Variants in HSD3B7 observed in about 807,000 individuals in gnomAD.
HSD3B7 encodes hydroxy-delta-5-steroid dehydrogenase, 3 beta- and steroid delta-isomerase 7.
In HSD3B7, 35 loss-of-function variants were observed where a neutral mutation model predicts 34.3. The ratio of observed to expected loss-of-function variants is 1.02; its 90% CI spans 0.78 to 1.35. HSD3B7 has a LOEUF of 1.35. Ranked by LOEUF, HSD3B7 falls within the 40% of genes most tolerant of loss-of-function variation. The pLI is 0.00. For synonymous variants in HSD3B7, 217 were observed against 220.1 expected, an observed-to-expected ratio of 0.99 and a Z score of 0.13; for missense variants, 426 against 504.7, an observed-to-expected ratio of 0.84 and a Z score of 1.49.
rs752601401 is a variant in HSD3B7, at chr16:30,987,853, C to T, written c.780C>T (p.Tyr260=). 32 of 1,613,538 alleles carry T rather than the reference C, an allele frequency of 2.0e-5. No individual in the cohort carries two copies. Among genetic ancestry groups the T allele is most frequent in the Admixed American group, 1.2e-4 (7 of 60,010 alleles). ...TGGGCGGCCAGGTATACTTCTGCTACGATGGATCACCCTACAGGAGCTACG... is the reference window on the plus strand; with the variant it reads ...TGGGCGGCCAGGTATACTTCTGCTATGATGGATCACCCTACAGGAGCTACG... The part of the protein sequence containing the change: ...TLMGGQVYFC[Y]DGSPYRSYED... Residue 260 remains tyrosine, a synonymous_variant, in exon 7 of 7, where the codon TAC becomes TAT. Coordinates refer to ENST00000297679, the MANE Select transcript of HSD3B7 (RefSeq NM_025193.4).
At position 30,987,030 on chromosome 16, in the gene HSD3B7, C is replaced by G. The variant is rs772892284; in HGVS notation, c.694+28C>G. ...GAGGACTGGGCTAGGCAGGGGGAGG[C>G]TGAGAATATGGCAGGAGGACTTGCT... On this transcript the variant is annotated intron_variant, in intron 6 of 6. Coordinates refer to ENST00000297679, the MANE Select transcript of HSD3B7 (RefSeq NM_025193.4). 4.4e-6 allele frequency: 7 copies of G among 1,596,710 alleles called. No individual in the cohort carries two copies. The East Asian group carries it at 1.6e-4, about 36-fold the overall frequency.
chr16:30,986,382 G>C (rs371170165), intron 3 of HSD3B7, 41 bp from the exon 4 acceptor site: 176 of 1,588,440 alleles, frequency 1.1e-4, no homozygotes, highest in Non-Finnish European at 2.1e-5. Context: ...GATGCAGAGA[G>C]GGAAGAAGCT....
At position 30,986,844 on chromosome 16, in the gene HSD3B7, G is replaced by A. The variant is rs372463127; in HGVS notation, c.536G>A (p.Arg179His). 1.1e-5 allele frequency: 18 copies of A among 1,613,892 alleles called. No homozygotes were observed. Among genetic ancestry groups the A allele is most frequent in the Admixed American group, 5.0e-5 (3 of 60,014 alleles). The change falls in exon 6 of 7, where the codon CGT (arginine) becomes CAT (histidine). Residue 179 changes from arginine (R) to histidine (H), a missense_variant. Transcript: ENST00000297679. ...AGTACCTGCCTTTGCCACCAGGTCC[G>A]TGGGGGGCTGCCCCTGGTGACGTGT... Reference protein sequence around the residue: ...LVLEANGRKVRGGLPLVTCAL... With the variant: ...LVLEANGRKVHGGLPLVTCAL...
In HSD3B7 at chr16:30,986,894, G is replaced by C; in HGVS notation, c.586G>C (p.Gly196Arg). The part of the protein sequence containing the change: ...TCALRPTGIY[G>R]EGHQIMRDFY... ...TGCCCTTCGTCCCACGGGCATCTACGGTGAAGGCCACCAGATCATGAGGGA... is the reference window on the plus strand; with the variant it reads ...TGCCCTTCGTCCCACGGGCATCTACCGTGAAGGCCACCAGATCATGAGGGA... Residue 196 changes from glycine to arginine, a missense_variant, in exon 6 of 7, where the codon GGT (glycine) becomes CGT (arginine). Physicochemically the swap from Gly to Arg is moderately radical, Grantham distance 125. Transcript: ENST00000297679. 6.2e-7 allele frequency: 1 copy of C among 1,613,910 alleles called. No individual in the cohort carries two copies. The highest frequency in any genetic ancestry group is 8.5e-7 in the Non-Finnish European group (1 of 1,180,034).
At chr16:30,987,212 C>G (rs1236453780) in intron 6 of HSD3B7, 3 of 603,722 alleles carry the variant, frequency 5.0e-6, no homozygotes, top group Non-Finnish European at 8.7e-6. Flanking sequence ...AAAAGTGTAT[C>G]ATAGGCTACA....
intron 6 of HSD3B7, chr16:30,987,423 G>T: frequency 2.3e-6 from 1 of 434,184 alleles, no homozygotes; most frequent in Non-Finnish European, 4.3e-6. Flanking sequence ...CTCCAGCCTG[G>T]ATGACAGAGA....
At chr16:30,985,494 G>A (rs2056454769) in intron 1 of HSD3B7, 159 bp from the exon 2 acceptor site, 3 of 1,503,342 alleles carry the variant, frequency 2.0e-6, no homozygotes, top group Non-Finnish European at 2.7e-6. Flanking sequence ...CCATCAGCAG[G>A]GGCAGACGGC....
At position 30,988,507 on chromosome 16, in the gene HSD3B7, T is replaced by C. The variant is rs564710803; in HGVS notation, c.*324T>C. On this transcript the variant is annotated 3_prime_UTR_variant, in exon 7 of 7. Transcript: ENST00000297679. ...GCCACCACACCTGGCTTTTTTTTGT[T>C]GTTTTTAGAGACAGGGTCTCACTAT... The C allele has an allele frequency of 3.4e-6, 1 of 290,814 alleles. No homozygotes were observed. Among genetic ancestry groups the C allele is most frequent in the Non-Finnish European group, 6.6e-6 (1 of 152,262 alleles). 18.0% of individuals were successfully genotyped at this position (290,814 alleles called of 1,614,324 possible).
rs1377137444 is a variant in HSD3B7 at position 30,985,832 on chromosome 16, T to C, written c.166+8T>C. On this transcript the variant is annotated splice_region_variant and intron_variant, in intron 2 of 6. Transcript: ENST00000297679. ...TGGAGGAGCTGAAGACAGGTTCTTG[T>C]TGGGGGAGCTTGTGGTGGAGAGGGT... The C allele has an allele frequency of 1.3e-6, 2 of 1,596,388 alleles. No individual in the cohort carries two copies. The highest frequency in any genetic ancestry group is 8.5e-7 in the Non-Finnish European group (1 of 1,172,686).
At position 30,986,968 on chromosome 16, in the gene HSD3B7, C is replaced by A; in HGVS notation, c.660C>A (p.Ile220=). 1.9e-6 allele frequency: 3 copies of A among 1,613,162 alleles called. No individual in the cohort carries two copies. The highest frequency in any genetic ancestry group is 2.2e-5 in the East Asian group (1 of 44,864). Residue 220 remains isoleucine (I), a synonymous_variant, in exon 6 of 7, where the codon ATC becomes ATA. Coordinates refer to ENST00000297679, the MANE Select transcript of HSD3B7 (RefSeq NM_025193.4). The part of the protein sequence containing the change: ...LRLGGWLFRA[I]PASVEHGRVY... ...TGGGAGGTTGGCTCTTCCGGGCCAT[C>A]CCGGCCTCTGTGGAGCATGGCCGGG...
At position 30,986,836 on chromosome 16, in the gene HSD3B7, C is replaced by T; in HGVS notation, c.532-4C>T. 1 of 1,614,014 alleles carries T rather than the reference C, an allele frequency of 6.2e-7. No individual in the cohort carries two copies. The highest frequency in any genetic ancestry group is 8.5e-7 in the Non-Finnish European group (1 of 1,180,046). Reference sequence around the variant, plus strand: ...GTCTCAGCAGTACCTGCCTTTGCCACCAGGTCCGTGGGGGGCTGCCCCTGG... The same window carrying T: ...GTCTCAGCAGTACCTGCCTTTGCCATCAGGTCCGTGGGGGGCTGCCCCTGG... On this transcript the variant is annotated splice_polypyrimidine_tract_variant and splice_region_variant and intron_variant, in intron 5 of 6. Transcript: ENST00000297679.
chr16:30,987,053 G>T (rs1489053403), intron 6 of HSD3B7, 51 bp downstream of exon 6: 21 of 1,572,308 alleles, frequency 1.3e-5, no homozygotes, highest in Non-Finnish European at 1.8e-5. Flanking sequence ...AGGAGGACTT[G>T]CTCTAGAAGG....
chr16:30,988,176 C>T lies in HSD3B7; in HGVS notation c.1103C>T (p.Ala368Val). Reference sequence around the variant, plus strand: ...TGGGTACAGGCCGCTACGGGTTCAGCCCAGTGACGGTGGGGCTGGGGCCTG... The same window carrying T: ...TGGGTACAGGCCGCTACGGGTTCAGTCCAGTGACGGTGGGGCTGGGGCCTG... ...ILWVQAATGS[A>V]Q The change falls in exon 7 of 7, where the codon GCC becomes GTC. Residue 368 changes from alanine to valine, a missense_variant. Coordinates refer to ENST00000297679, the MANE Select transcript of HSD3B7 (RefSeq NM_025193.4). 1.3e-6 allele frequency: 2 copies of T among 1,596,572 alleles called. No homozygotes were observed. Among genetic ancestry groups the T allele is most frequent in the Non-Finnish European group, 8.5e-7 (1 of 1,175,776 alleles).
chr16:30,987,600 G>A (rs957562421), intron 6 of HSD3B7, 168 bp from the exon 7 acceptor site: 8 of 748,562 alleles, frequency 1.1e-5, no homozygotes, highest in South Asian at 4.7e-5. Context: ...TGGCCCAGGA[G>A]AGCAAGTGAC....
chr16:30,987,944 C>G lies in HSD3B7; in HGVS notation c.871C>G (p.Pro291Ala). The G allele has an allele frequency of 6.2e-7, 1 of 1,613,022 alleles. No individual in the cohort carries two copies. Among genetic ancestry groups the G allele is most frequent in the African/African-American group, 1.3e-5 (1 of 75,054 alleles). ...LRLVGARPLL[P>A]YWLLVFLAAL... ...GCTGGTGGGCGCCCGCCCATTGCTG[C>G]CCTACTGGCTGCTGGTGTTCCTGGC... The change falls in exon 7 of 7, where the codon CCC becomes GCC. Residue 291 changes from proline to alanine, a missense_variant. Transcript: ENST00000297679.
At position 30,986,459 on chromosome 16, in the gene HSD3B7, G is replaced by A; in HGVS notation, c.359G>A (p.Gly120Glu). ...GTGATCGAGGCTTGTGTGCAGACCG[G>A]AACACGGTTCCTGGTCTACACCAGC... is the stretch of plus-strand genomic sequence containing the variant. ...RNVIEACVQTGTRFLVYTSSM... is the reference protein window; with the variant it reads ...RNVIEACVQTETRFLVYTSSM... The change falls in exon 4 of 7, where the codon GGA becomes GAA. Residue 120 changes from glycine to glutamate, a missense_variant. Physicochemically the swap from Gly to Glu is moderately conservative, Grantham distance 98. Transcript: ENST00000297679. 6.2e-7 allele frequency: 1 copy of A among 1,614,098 alleles called. No individual in the cohort carries two copies. Among genetic ancestry groups the A allele is most frequent in the Non-Finnish European group, 8.5e-7 (1 of 1,180,018 alleles).
rs754502581 is a variant in HSD3B7 at position 30,986,510 on chromosome 16, C to T, written c.410C>T (p.Thr137Ile). Residue 137 changes from threonine to isoleucine, a missense_variant, in exon 4 of 7, where the codon ACC (threonine) becomes ATC (isoleucine). Transcript: ENST00000297679. ...AGCATGGAAGTTGTGGGGCCTAACA[C>T]CAAAGGTCACCCCTTCTACAGGTGA... ...TSSMEVVGPN[T>I]KGHPFYRGNE... The T allele has an allele frequency of 3.1e-6, 5 of 1,614,056 alleles. No individual in the cohort carries two copies. The highest frequency in any genetic ancestry group is 1.6e-4 in the Middle Eastern group (1 of 6,062).
intron 2 of HSD3B7, 40 bp downstream of exon 2, chr16:30,985,864 G>A (rs753110288): frequency 3.7e-5 from 58 of 1,585,724 alleles, no homozygotes; most frequent in South Asian, 3.4e-4. Context: ...GGGTGTGGAC[G>A]CTTCCCCAAC....
chr16:30,987,839 G>C lies in HSD3B7; in HGVS notation c.766G>C (p.Val256Leu). 6.2e-7 allele frequency: 1 copy of C among 1,613,540 alleles called. No individual in the cohort carries two copies. Among genetic ancestry groups the C allele is most frequent in the Non-Finnish European group, 8.5e-7 (1 of 1,179,980 alleles). ...EQRATLMGGQ[V>L]YFCYDGSPYR... The stretch of plus-strand genomic sequence containing the variant: ...GCGGGCAACCCTGATGGGCGGCCAG[G>C]TATACTTCTGCTACGATGGATCACC... Residue 256 changes from valine to leucine, a missense_variant, in exon 7 of 7, where the codon GTA becomes CTA. Physicochemically the swap from Val to Leu is conservative, Grantham distance 32. Coordinates refer to ENST00000297679, the MANE Select transcript of HSD3B7 (RefSeq NM_025193.4).
Sources: allele counts gnomAD v4.1 joint callset, GRCh38; gene constraint gnomAD v4.1.1; transcripts MANE v1.5; gene names NCBI Gene and HGNC (gene_info 2026-07-23, HGNC 2026-07-21).